Variants in KDM4C observed in about 807,000 individuals in gnomAD.
KDM4C encodes the protein lysine-specific demethylase 4C.
In KDM4C, 81 loss-of-function variants were observed where a neutral mutation model predicts 129.3. The ratio of observed to expected loss-of-function variants is 0.63; its 90% CI spans 0.52 to 0.75. The LOEUF (loss-of-function observed/expected upper bound fraction) is 0.75. Among genes scored for constraint, KDM4C ranks in the 30% least tolerant of loss-of-function variants. The probability of loss-of-function intolerance (pLI) is 0.00; values close to 1 mark genes in which losing one functional copy is unlikely to be tolerated. For synonymous variants in KDM4C, 573 were observed against 456.1 expected (o/e 1.26, Z -3.26); for missense variants, 1,457 against 1,304.0 (o/e 1.12, Z -1.81).
At chr9:7,000,418 G>A (rs990136036) in intron 12 of KDM4C, among the ~76,000 whole-genome samples, 2 of 152,198 alleles carry the variant, frequency 1.3e-5, no homozygotes, top group African/African-American at 2.4e-5. Flanking sequence ...GTTTCTGAAT[G>A]TGCTAAAAGC....
chr9:6,792,871 AAG>A, intron 1 of KDM4C, 99 bp from the exon 2 acceptor site: 1 of 1,187,088 alleles, frequency 8.4e-7, no homozygotes, highest in Non-Finnish European at 1.2e-6. Flanking sequence ...AAGTGACTGA[AAG>A]AGAAGGGTTC....
intron 4 of KDM4C, among the ~76,000 whole-genome samples, chr9:6,824,717 A>G (rs1833603437): frequency 6.6e-6 from 1 of 152,122 alleles, no homozygotes; most frequent in Non-Finnish European, 1.5e-5. Flanking sequence ...AACATACATT[A>G]TTTTATACAA....
chr9:6,873,571 C>T lies in KDM4C; in HGVS notation c.630-6441C>T, dbSNP rs372259980. Among the ~76,000 whole-genome samples, 40 of 152,306 alleles carry T rather than the reference C, an allele frequency of 2.6e-4. No homozygotes were observed. The South Asian group carries it at 7.9e-3, about 30-fold the overall frequency. On this transcript the variant is annotated intron_variant, in intron 5 of 21. Transcript: ENST00000381309. The stretch of plus-strand genomic sequence containing the variant: ...ATGGTGCTAGAGTCCAGCTTTTATT[C>T]TGCAGCTTCTTCACCTCTCTCAGTC...
intron 5 of KDM4C, among the ~76,000 whole-genome samples, chr9:6,861,844 C>T (rs1360841445): frequency 3.3e-5 from 5 of 149,648 alleles, no homozygotes; most frequent in East Asian, 2.0e-4. Context: ...GGTGTGATCT[C>T]GGCTGTAACT....
intron 8 of KDM4C, among the ~76,000 whole-genome samples, chr9:6,912,638 T>G (rs533222856): frequency 6.6e-6 from 1 of 152,194 alleles, no homozygotes; most frequent in Non-Finnish European, 1.5e-5. Flanking sequence ...AGAGAGAATT[T>G]ATATATTTGC....
rs1345286174 is a variant in KDM4C at position 6,771,217 on chromosome 9, C to T, written c.-18+13014C>T. On this transcript the variant is annotated intron_variant, in intron 1 of 21. Coordinates refer to ENST00000381309, the MANE Select transcript of KDM4C (RefSeq NM_015061.6). ...AAGTGCTAGGATTACAGGTGTGAGCCACTGCACCTGGCCTGATTGTGAATC... is the reference window on the plus strand; with the variant it reads ...AAGTGCTAGGATTACAGGTGTGAGCTACTGCACCTGGCCTGATTGTGAATC... 2.0e-5 allele frequency among the ~76,000 whole-genome samples: 3 copies of T among 151,104 alleles called. No homozygotes were observed. In the East Asian group the frequency reaches 5.8e-4, roughly 29 times the overall value.
chr9:6,998,905 G>A (rs372813624), intron 12 of KDM4C, among the ~76,000 whole-genome samples: 1 of 152,136 alleles, frequency 6.6e-6, no homozygotes, highest in Non-Finnish European at 1.5e-5. Flanking sequence ...GACTAGAGCT[G>A]CCCACTGATT....
At chr9:7,137,169 C>T (rs1446082500) in intron 19 of KDM4C, among the ~76,000 whole-genome samples, 1 of 152,156 alleles carries the variant, frequency 6.6e-6, no homozygotes, top group Non-Finnish European at 1.5e-5. Flanking sequence ...TTAAGGGAGT[C>T]AGGGCATTGG....
chr9:7,167,476 A>T (rs1844508430), intron 20 of KDM4C, among the ~76,000 whole-genome samples: 1 of 152,204 alleles, frequency 6.6e-6, no homozygotes, highest in Non-Finnish European at 1.5e-5. Context: ...CTATCAACTA[A>T]GTTGGGTAAA....
At chr9:6,837,125 T>G (rs1250447435) in intron 4 of KDM4C, among the ~76,000 whole-genome samples, 1 of 152,214 alleles carries the variant, frequency 6.6e-6, no homozygotes, top group African/African-American at 2.4e-5. Flanking sequence ...TGGTACGATC[T>G]TGGCTGACTG....
At chr9:7,099,649 C>G (rs1458537756) in intron 17 of KDM4C, among the ~76,000 whole-genome samples, 1 of 152,214 alleles carries the variant, frequency 6.6e-6, no homozygotes, top group African/African-American at 2.4e-5. Flanking sequence ...TGTGGATCAA[C>G]AGTATCAGTA....
chr9:6,783,768 T>G (rs1824875870), intron 1 of KDM4C, among the ~76,000 whole-genome samples: 1 of 152,172 alleles, frequency 6.6e-6, no homozygotes, highest in Non-Finnish European at 1.5e-5. Context: ...AAAAACAACA[T>G]ATTGATTGTA....
intron 15 of KDM4C, among the ~76,000 whole-genome samples, chr9:7,029,379 C>G (rs1270089060): frequency 6.8e-6 from 1 of 147,274 alleles, no homozygotes; most frequent in Admixed American, 6.8e-5. Context: ...TAGGGATATA[C>G]TTTTAATTAT....
intron 5 of KDM4C, among the ~76,000 whole-genome samples, chr9:6,865,388 C>G (rs1469206095): frequency 1.3e-5 from 2 of 152,142 alleles, no homozygotes; most frequent in African/African-American, 4.8e-5. Context: ...AAAGTGCTAT[C>G]TTGAATTCCT....
At chr9:6,911,143 G>C (rs1158326357) in intron 8 of KDM4C, among the ~76,000 whole-genome samples, 1 of 151,858 alleles carries the variant, frequency 6.6e-6, no homozygotes, top group Non-Finnish European at 1.5e-5. Context: ...TTTTAAAAGG[G>C]CTGGCTTAAA....
chr9:7,024,536 A>G lies in KDM4C; in HGVS notation c.2259+8607A>G, dbSNP rs566532375. On this transcript the variant is annotated intron_variant, in intron 15 of 21. Transcript: ENST00000381309. ...GTGTGATGTTCCCCTTCCTGTGTCC[A>G]TGTGTTCTCATTGTTCAATTCCCAC... 5.8e-5 allele frequency among the ~76,000 whole-genome samples: 8 copies of G among 137,774 alleles called. No individual in the cohort carries two copies. The South Asian group carries it at 1.8e-3, about 31-fold the overall frequency. 90.4% of individuals were successfully genotyped at this position (137,774 alleles called of 152,430 possible).
At chr9:7,031,583 A>G (rs1005232950) in intron 15 of KDM4C, among the ~76,000 whole-genome samples, 3 of 152,240 alleles carry the variant, frequency 2.0e-5, no homozygotes, top group Non-Finnish European at 4.4e-5. Flanking sequence ...GATTTTAAAA[A>G]AAACTATTTT....
Position 6,805,766 on chromosome 9 carries a change from C to CCACT in KDM4C, c.312_313insCACT (p.Ser105HisfsTer2). 6.2e-7 allele frequency: 1 copy of CCACT among 1,611,408 alleles called. No individual in the cohort carries two copies. The highest frequency in any genetic ancestry group is 8.5e-7 in the Non-Finnish European group (1 of 1,179,138). On this transcript the variant is annotated frameshift_variant, in exon 3 of 22. Coordinates refer to ENST00000381309, the MANE Select transcript of KDM4C (RefSeq NM_015061.6). LOFTEE classifies it high-confidence loss of function. ...TGAAGGAGTTCAGGCAGCTGGCCAA[C>CCACT]AGTGGCAAGTGAGTAGAATCAGTTT... is the stretch of plus-strand genomic sequence containing the variant.
rs1819175572 is a variant in KDM4C, at chr9:6,993,720, C to A, written c.1786+3196C>A. On this transcript the variant is annotated intron_variant, in intron 12 of 21. Transcript: ENST00000381309. Reference sequence around the variant, plus strand: ...ATGGAACGTACTAGATGTGATGAACCCACTGAAGGGCGGCCAGCTTAGAAA... The same window carrying A: ...ATGGAACGTACTAGATGTGATGAACACACTGAAGGGCGGCCAGCTTAGAAA... Among the ~76,000 whole-genome samples the A allele has an allele frequency of 2.0e-5, 3 of 152,146 alleles. No individual in the cohort carries two copies. The South Asian group carries it at 6.2e-4, about 32-fold the overall frequency.
Sources: allele counts gnomAD v4.1 joint callset (sites outside exome capture counted in the v4.1 genomes callset), GRCh38; gene constraint gnomAD v4.1.1; transcripts MANE v1.5; gene names NCBI Gene and HGNC (gene_info 2026-07-23, HGNC 2026-07-21).